ROR1: variants seen among roughly 807,000 people sequenced by gnomAD.
ROR1 encodes ROR family WNT receptor 1.
A neutral mutation model predicts 78.8 loss-of-function variants in ROR1; 19 were observed. The ratio of observed to expected loss-of-function variants is 0.24; its 90% CI spans 0.17 to 0.35. ROR1 has a LOEUF of 0.35. Among genes scored for constraint, ROR1 ranks in the 10% least tolerant of loss-of-function variants. The probability of loss-of-function intolerance (pLI) is 1.00; values close to 1 mark genes in which losing one functional copy is unlikely to be tolerated. For synonymous variants in ROR1, 386 were observed against 433.6 expected (o/e 0.89, Z 1.36); for missense variants, 917 against 1,177.8 (o/e 0.78, Z 3.24).
chr1:64,177,958 A>T lies in ROR1; in HGVS notation c.1917A>T (p.Glu639Asp). Residue 639 changes from glutamate to aspartate, a missense_variant, in exon 9 of 9, where the codon GAA becomes GAT. Glu to Asp is a conservative substitution (Grantham distance 45, BLOSUM62 2). Transcript: ENST00000371079. ...VKISDLGLSREIYSADYYRVQ... is the reference protein window; with the variant it reads ...VKISDLGLSRDIYSADYYRVQ... ...TTTCAGACTTGGGGCTTTCCAGAGAAATTTACTCCGCTGATTACTACAGGG... is the reference window on the plus strand; with the variant it reads ...TTTCAGACTTGGGGCTTTCCAGAGATATTTACTCCGCTGATTACTACAGGG... 1 of 1,614,190 alleles carries T rather than the reference A, an allele frequency of 6.2e-7. No homozygotes were observed. Among genetic ancestry groups the T allele is most frequent in the East Asian group, 2.2e-5 (1 of 44,878 alleles).
chr1:64,127,506 G>GTC (rs1177650740), intron 4 of ROR1, among the ~76,000 whole-genome samples: 51 of 145,984 alleles, frequency 3.5e-4, no homozygotes, highest in Non-Finnish European at 4.9e-4. Context: ...CTCTCTCTCT[G>GTC]TCTCTCTCTC....
At chr1:63,845,406 A>G (rs1298911687) in intron 1 of ROR1, among the ~76,000 whole-genome samples, 2 of 152,108 alleles carry the variant, frequency 1.3e-5, no homozygotes, top group African/African-American at 2.4e-5. Context: ...AACTAACCCT[A>G]CTAGTAGTAG....
chr1:63,789,152 G>A (rs1644710226), intron 1 of ROR1: 1 of 595,652 alleles, frequency 1.7e-6, no homozygotes, highest in African/African-American at 1.8e-5. Context: ...TTGGCTTGCG[G>A]ATCATCAGCC....
rs114636428 is a variant in ROR1 at position 63,992,566 on chromosome 1, A to G, written c.92-16739A>G. 2.9e-3 allele frequency among the ~76,000 whole-genome samples: 435 copies of G among 152,324 alleles called. 2 individuals are homozygous for G. The highest frequency in any genetic ancestry group is 0.01 in the African/African-American group (421 of 41,574). ...ATTTGTGCTTAAAGAGATGGACTGT[A>G]TAGACACATCCTAGTAAAAGGCTTG... is the stretch of plus-strand genomic sequence containing the variant. On this transcript the variant is annotated intron_variant, in intron 1 of 8. Coordinates refer to ENST00000371079, the MANE Select transcript of ROR1 (RefSeq NM_005012.4).
At chr1:64,012,979 G>A (rs1007345181) in intron 2 of ROR1, among the ~76,000 whole-genome samples, 1 of 152,142 alleles carries the variant, frequency 6.6e-6, no homozygotes, top group African/African-American at 2.4e-5. Flanking sequence ...TTGAGCCAGG[G>A]TGACTGACTA....
chr1:64,049,615 C>A (rs893339210), intron 2 of ROR1, 76 bp from the exon 3 acceptor site: 22 of 1,319,630 alleles, frequency 1.7e-5, no homozygotes, highest in Middle Eastern at 2.1e-4. Flanking sequence ...CAAGGGTACA[C>A]TGGAGGGGAT....
chr1:63,903,139 G>A (rs948250678), intron 1 of ROR1, among the ~76,000 whole-genome samples: 2 of 152,150 alleles, frequency 1.3e-5, no homozygotes, highest in African/African-American at 4.8e-5. Context: ...TAAAATCAGG[G>A]TTCTGTTAAG....
chr1:64,043,593 G>C lies in ROR1; in HGVS notation c.164-6098G>C, dbSNP rs145749675. On this transcript the variant is annotated intron_variant, in intron 2 of 8. Coordinates refer to ENST00000371079, the MANE Select transcript of ROR1 (RefSeq NM_005012.4). ...ATTTAGTTGTTTTCAGTACCAGTGG[G>C]TATTGTCACATGCTTGATGGACTCA... is the stretch of plus-strand genomic sequence containing the variant. Among the ~76,000 whole-genome samples the C allele has an allele frequency of 6.0e-3, 912 of 152,244 alleles. 8 individuals carry two copies. Among genetic ancestry groups the C allele is most frequent in the African/African-American group, 0.021 (882 of 41,538 alleles).
intron 1 of ROR1, chr1:63,843,477 A>G: frequency 1.3e-6 from 1 of 767,376 alleles, no homozygotes; most frequent in Non-Finnish European, 2.3e-6. Context: ...CATCCTGACA[A>G]AGGTGGTGTA....
intron 1 of ROR1, among the ~76,000 whole-genome samples, chr1:64,003,412 A>T (rs116034363): frequency 6.6e-6 from 1 of 152,202 alleles, no homozygotes; most frequent in Non-Finnish European, 1.5e-5. Context: ...AAGTTGCAGG[A>T]TTGTGCCATC....
intron 4 of ROR1, among the ~76,000 whole-genome samples, chr1:64,078,900 T>C (rs1647075123): frequency 6.6e-6 from 1 of 152,054 alleles, no homozygotes; most frequent in South Asian, 2.1e-4. Flanking sequence ...TTGAGTACGA[T>C]GATGAGGTGC....
intron 4 of ROR1, among the ~76,000 whole-genome samples, chr1:64,100,402 C>T (rs1647481144): frequency 1.3e-5 from 2 of 151,422 alleles, no homozygotes; most frequent in Admixed American, 1.3e-4. Context: ...GTGGGAGGAT[C>T]GCTTGAACCC....
At chr1:64,102,271 T>G (rs1647582736) in intron 4 of ROR1, among the ~76,000 whole-genome samples, 1 of 152,180 alleles carries the variant, frequency 6.6e-6, no homozygotes, top group Non-Finnish European at 1.5e-5. Context: ...TGTGCGGTTT[T>G]TACATTTCAG....
At chr1:64,094,544 G>C (rs1310476503) in intron 4 of ROR1, 1 of 148,484 alleles carries the variant, frequency 6.7e-6, no homozygotes, top group East Asian at 2.0e-4. Context: ...TGAAGCTTTG[G>C]TGTTTGTGTG....
chr1:63,888,509 G>T (rs995715206), intron 1 of ROR1, among the ~76,000 whole-genome samples: 5 of 152,050 alleles, frequency 3.3e-5, no homozygotes, highest in African/African-American at 1.2e-4. Flanking sequence ...TGTGGTCCCA[G>T]CTACTTGGGA....
At chr1:63,934,573 C>G (rs1288511662) in intron 1 of ROR1, among the ~76,000 whole-genome samples, 2 of 152,176 alleles carry the variant, frequency 1.3e-5, no homozygotes, top group Non-Finnish European at 2.9e-5. Context: ...ACAGATAAAA[C>G]TGTTTACCAA....
rs189963568 is a variant in ROR1 at position 63,908,778 on chromosome 1, G to A, written c.92-100527G>A. ...AGGGGAAAACTGCAGCTCAGTCTGCGTAGCTCCTGGTGCAGCAGAACCCAG... is the reference window on the plus strand; with the variant it reads ...AGGGGAAAACTGCAGCTCAGTCTGCATAGCTCCTGGTGCAGCAGAACCCAG... On this transcript the variant is annotated intron_variant, in intron 1 of 8. Transcript: ENST00000371079. Among the ~76,000 whole-genome samples the A allele has an allele frequency of 3.8e-3, 585 of 152,282 alleles. 1 individual carries two copies. The highest frequency in any genetic ancestry group is 6.5e-3 in the Non-Finnish European group (442 of 68,018).
intron 1 of ROR1, among the ~76,000 whole-genome samples, chr1:63,833,954 C>G (rs375761717): frequency 1.3e-5 from 2 of 150,248 alleles, no homozygotes; most frequent in African/African-American, 4.9e-5. Flanking sequence ...CAATGCTTTC[C>G]GTCTCGAGGG....
chr1:63,849,112 A>G (rs1645098850), intron 1 of ROR1, among the ~76,000 whole-genome samples: 1 of 152,186 alleles, frequency 6.6e-6, no homozygotes, highest in South Asian at 2.1e-4. Context: ...AGGATCTTAA[A>G]GTCTTTACGG....
Sources: gnomAD v4.1 joint callset for allele counts (sites outside exome capture counted in the v4.1 genomes callset) on GRCh38, gnomAD v4.1.1 for gene constraint, MANE v1.5 for transcripts, NCBI Gene and HGNC (gene_info 2026-07-23, HGNC 2026-07-21) for gene names.